Variants in ADAMTS12 observed in about 807,000 individuals in gnomAD.
ADAMTS12 encodes A disintegrin and metalloproteinase with thrombospondin motifs 12.
In ADAMTS12, 118 loss-of-function variants were observed where a neutral mutation model predicts 167.8. That is an observed-to-expected ratio of 0.70 (90% confidence interval 0.61 to 0.82). The LOEUF is 0.82. ADAMTS12 is among the 40% of genes least tolerant of loss of function. The pLI, the probability that ADAMTS12 is intolerant of heterozygous loss-of-function variation, is 0.00. For synonymous variants in ADAMTS12, 704 were observed against 716.9 expected (o/e 0.98, Z 0.29); for missense variants, 1,916 against 1,998.8 (o/e 0.96, Z 0.79).
chr5:33,874,855 G>A (rs767723049), intron 2 of ADAMTS12, among the ~76,000 whole-genome samples: 22 of 152,146 alleles, frequency 1.4e-4, no homozygotes, highest in Non-Finnish European at 2.8e-4. Flanking sequence ...AGATTATGAG[G>A]TCAGGAGATT....
chr5:33,828,141 A>G (rs1426639503), intron 2 of ADAMTS12, among the ~76,000 whole-genome samples: 4 of 152,064 alleles, frequency 2.6e-5, no homozygotes, highest in African/African-American at 4.8e-5. Context: ...ACACCAGGCT[A>G]CTCCCCTGGC....
chr5:33,823,985 G>A (rs1450657409), intron 2 of ADAMTS12, among the ~76,000 whole-genome samples: 2 of 152,104 alleles, frequency 1.3e-5, no homozygotes, highest in African/African-American at 2.4e-5. Flanking sequence ...TATACACCTT[G>A]AATATATACA....
In ADAMTS12 at chr5:33,751,484, A is replaced by T; in HGVS notation, c.554T>A (p.Val185Asp). 1 of 1,614,166 alleles carries T rather than the reference A, an allele frequency of 6.2e-7. No individual in the cohort carries two copies. The highest frequency in any genetic ancestry group is 8.5e-7 in the Non-Finnish European group (1 of 1,180,018). The change falls in exon 3 of 24, where the codon GTT becomes GAT. Residue 185 changes from valine to aspartate, a missense_variant. Val to Asp is a radical substitution (Grantham distance 152). Transcript: ENST00000504830. ...FIEPVKKHPL[V>D]EGGYHPHIVY... ...GATGTGCGGGTGGTACCCTCCCTCAACCAGTGGATGCTTCTTCACGGGTTC... is the reference window on the plus strand; with the variant it reads ...GATGTGCGGGTGGTACCCTCCCTCATCCAGTGGATGCTTCTTCACGGGTTC...
At chr5:33,537,679 A>G (rs995471102) in intron 22 of ADAMTS12, among the ~76,000 whole-genome samples, 1 of 152,198 alleles carries the variant, frequency 6.6e-6, no homozygotes, top group Non-Finnish European at 1.5e-5. Flanking sequence ...CCTTCTACAC[A>G]GCTAAGTGAA....
intron 2 of ADAMTS12, chr5:33,840,021 T>C (rs1748689614): frequency 6.6e-6 from 1 of 152,198 alleles, no homozygotes; most frequent in Non-Finnish European, 1.5e-5. Flanking sequence ...GATAAATCTT[T>C]CTAAGCAAAC....
intron 1 of ADAMTS12, among the ~76,000 whole-genome samples, chr5:33,890,449 C>T (rs1370338430): frequency 6.6e-6 from 1 of 152,204 alleles, no homozygotes; most frequent in African/African-American, 2.4e-5. Flanking sequence ...AAGAGAGGGA[C>T]TTGCTTCTGA....
Position 33,751,525 on chromosome 5 carries a change from A to T in ADAMTS12, c.513T>A (p.His171Gln). Residue 171 changes from histidine to glutamine, a missense_variant, in exon 3 of 24, where the codon CAT (histidine) becomes CAA (glutamine). Transcript: ENST00000504830. ...TCACGGGTTCAATGAAAAAGTCTCC[A>T]TGTGGTAGTTGGAAAAATCCAGTCT... ...HGLTGFFQLP[H>Q]GDFFIEPVKK... 6.2e-7 allele frequency: 1 copy of T among 1,614,064 alleles called. No homozygotes were observed. The highest frequency in any genetic ancestry group is 1.3e-5 in the African/African-American group (1 of 75,026).
intron 2 of ADAMTS12, among the ~76,000 whole-genome samples, chr5:33,845,669 C>G (rs981801898): frequency 3.9e-5 from 6 of 152,182 alleles, no homozygotes; most frequent in Non-Finnish European, 7.3e-5. Flanking sequence ...ACTAACTTTA[C>G]AGGAGAGAAG....
intron 2 of ADAMTS12, among the ~76,000 whole-genome samples, chr5:33,765,457 T>C (rs1561259882): frequency 6.6e-6 from 1 of 152,308 alleles, no homozygotes; most frequent in East Asian, 1.9e-4. Flanking sequence ...AGCTTAACAC[T>C]TTGCATCTGG....
At chr5:33,601,369 T>C (rs974663477) in intron 16 of ADAMTS12, among the ~76,000 whole-genome samples, 1 of 152,194 alleles carries the variant, frequency 6.6e-6, no homozygotes, top group African/African-American at 2.4e-5. Context: ...GTCCTGGTAC[T>C]ATGCTGAATG....
intron 13 of ADAMTS12, among the ~76,000 whole-genome samples, chr5:33,629,714 G>A (rs1739832108): frequency 6.6e-6 from 1 of 152,100 alleles, no homozygotes. Context: ...ATTGATCTCT[G>A]CAGGAAATAA....
intron 2 of ADAMTS12, chr5:33,840,427 G>A (rs1362860678): frequency 3.3e-5 from 5 of 152,206 alleles, no homozygotes; most frequent in Non-Finnish European, 7.3e-5. Flanking sequence ...TCAGGATGAA[G>A]AACCTGGCAG....
At chr5:33,834,263 T>G (rs1748422347) in intron 2 of ADAMTS12, among the ~76,000 whole-genome samples, 1 of 152,196 alleles carries the variant, frequency 6.6e-6, no homozygotes, top group Non-Finnish European at 1.5e-5. Flanking sequence ...CATGAATTTT[T>G]GGGGGAATCA....
chr5:33,844,920 G>A (rs1226640767), intron 2 of ADAMTS12, among the ~76,000 whole-genome samples: 4 of 152,066 alleles, frequency 2.6e-5, no homozygotes, highest in African/African-American at 9.7e-5. Context: ...AAATAGAAAA[G>A]AACCTACATG....
At chr5:33,712,635 G>C (rs942451430) in intron 3 of ADAMTS12, among the ~76,000 whole-genome samples, 2 of 151,930 alleles carry the variant, frequency 1.3e-5, no homozygotes, top group East Asian at 1.9e-4. Context: ...AAAAGATAGA[G>C]ACAAGGCTAA....
chr5:33,834,818 G>C lies in ADAMTS12; in HGVS notation c.489+46301C>G, dbSNP rs576898169. 7.9e-5 allele frequency among the ~76,000 whole-genome samples: 12 copies of C among 152,296 alleles called. No individual in the cohort carries two copies. The South Asian group carries it at 2.5e-3, about 32-fold the overall frequency. On this transcript the variant is annotated intron_variant, in intron 2 of 23. Coordinates refer to ENST00000504830, the MANE Select transcript of ADAMTS12 (RefSeq NM_030955.4). ...CCAAAAATTATTCTTTCAAATGCCT[G>C]CTTAAAATACATATTTAGGTCACAA...
intron 2 of ADAMTS12, among the ~76,000 whole-genome samples, chr5:33,783,578 A>C (rs1746221317): frequency 6.6e-6 from 1 of 151,944 alleles, no homozygotes; most frequent in South Asian, 2.1e-4. Flanking sequence ...TAAAAGAATT[A>C]TAAGGGGATA....
chr5:33,630,185 T>C lies in ADAMTS12; in HGVS notation c.2022+595A>G, dbSNP rs1241106880. ...TGCCTGGGGGTTGGATCACAAGTCCTGCTCCTCAGTTCCTTGCAAAATAAA... is the reference window on the plus strand; with the variant it reads ...TGCCTGGGGGTTGGATCACAAGTCCCGCTCCTCAGTTCCTTGCAAAATAAA... On this transcript the variant is annotated intron_variant, in intron 13 of 23. Coordinates refer to ENST00000504830, the MANE Select transcript of ADAMTS12 (RefSeq NM_030955.4). Among the ~76,000 whole-genome samples, 4 of 152,328 alleles carry C rather than the reference T, an allele frequency of 2.6e-5. No individual in the cohort carries two copies. In the South Asian group the frequency reaches 8.3e-4, roughly 32 times the overall value.
chr5:33,649,210 C>T (rs530668895), intron 8 of ADAMTS12, among the ~76,000 whole-genome samples: 13 of 152,302 alleles, frequency 8.5e-5, no homozygotes, highest in African/African-American at 2.9e-4. Context: ...AAATCATTAT[C>T]CTACTCTCAA....
Sources: gnomAD v4.1 joint callset for allele counts (sites outside exome capture counted in the v4.1 genomes callset) on GRCh38, gnomAD v4.1.1 for gene constraint, MANE v1.5 for transcripts, NCBI Gene and HGNC (gene_info 2026-07-23, HGNC 2026-07-21) for gene names.